PPP2R3B: variants seen among roughly 807,000 people sequenced by gnomAD.
The protein encoded by PPP2R3B is serine/threonine-protein phosphatase 2A regulatory subunit B'' subunit beta.
In PPP2R3B, 68 loss-of-function variants were observed where a neutral mutation model predicts 72.9. That is an observed-to-expected ratio of 0.93 (90% CI 0.77 to 1.14). The LOEUF is 1.14. PPP2R3B is among the 50% of genes most tolerant of loss of function. The pLI is 0.00. For missense variants in PPP2R3B, 1,018 were observed against 842.0 expected (o/e 1.21, Z -2.59); for synonymous variants, 466 against 375.8 (o/e 1.24, Z -2.78).
intron 1 of PPP2R3B, among the ~76,000 whole-genome samples, chrX:378,741 G>T (rs1270355554): frequency 6.6e-6 from 1 of 152,156 alleles, no homozygotes; most frequent in Non-Finnish European, 1.5e-5. Flanking sequence ...CTCGGAGGTT[G>T]CAAGAAGGGT....
chrX:344,464 C>G (rs1390530969), intron 7 of PPP2R3B, among the ~76,000 whole-genome samples: 1 of 152,272 alleles, frequency 6.6e-6, no homozygotes, highest in East Asian at 1.9e-4. Context: ...CCGCCCCCCG[C>G]TTCAGGCCGC....
At chrX:372,497 A>G (rs1357085951) in intron 1 of PPP2R3B, among the ~76,000 whole-genome samples, 6 of 152,204 alleles carry the variant, frequency 3.9e-5, no homozygotes, top group Non-Finnish European at 7.3e-5. Flanking sequence ...TGAAATTCGG[A>G]TCAGATTCGG....
At chrX:345,063 A>G in intron 7 of PPP2R3B, 1 of 410,580 alleles carries the variant, frequency 2.4e-6, no homozygotes, top group Non-Finnish European at 4.8e-6. Context: ...CCTGGGCGGC[A>G]CCGGCTCCCG....
chrX:383,634 A>G (rs56383240), intron 1 of PPP2R3B, among the ~76,000 whole-genome samples: 44,916 of 150,924 alleles, frequency 0.3, 6,738 homozygotes, highest in Non-Finnish European at 0.32. Flanking sequence ...TCAGGAGATC[A>G]AGACCATCCC....
intron 2 of PPP2R3B, among the ~76,000 whole-genome samples, chrX:357,416 TAA>T (rs2071459207): frequency 6.6e-6 from 1 of 152,122 alleles, no homozygotes; most frequent in Admixed American, 6.5e-5. Flanking sequence ...GAAGTGTATG[TAA>T]AAAAGATGAC....
chrX:384,982 CA>C (rs773590401), intron 1 of PPP2R3B, among the ~76,000 whole-genome samples: 2,992 of 62,986 alleles, frequency 0.048, 27 homozygotes, highest in South Asian at 0.066. Flanking sequence ...GAATCTGTCT[CA>C]AAAAAAAAAA....
chrX:380,423 C>T (rs1224684419), intron 1 of PPP2R3B, among the ~76,000 whole-genome samples: 2 of 152,050 alleles, frequency 1.3e-5, no homozygotes, highest in East Asian at 3.9e-4. Context: ...CAGTGGGAAC[C>T]ACATGAATGG....
chrX:377,701 A>G (rs1320468218), intron 1 of PPP2R3B, among the ~76,000 whole-genome samples: 3 of 142,532 alleles, frequency 2.1e-5, no homozygotes, highest in African/African-American at 8.1e-5. Flanking sequence ...CTGTCTATAC[A>G]CTACTGTGTA....
intron 2 of PPP2R3B, among the ~76,000 whole-genome samples, chrX:357,154 AG>A (rs2071454784): frequency 6.6e-6 from 1 of 151,850 alleles, no homozygotes; most frequent in African/African-American, 2.4e-5. Context: ...AGCGACCGGA[AG>A]CACATCTGCA....
rs758627556 is a variant in PPP2R3B at position 334,467 on chromosome X, GAGCGC to G, written c.1623_1627del (p.Arg542ProfsTer57). 2 of 1,594,058 alleles carry G rather than the reference GAGCGC, an allele frequency of 1.3e-6. No homozygotes were observed. Among genetic ancestry groups the G allele is most frequent in the Non-Finnish European group, 1.7e-6 (2 of 1,175,946 alleles). On this transcript the variant is annotated frameshift_variant, in exon 13 of 13. Coordinates refer to ENST00000390665, the MANE Select transcript of PPP2R3B (RefSeq NM_013239.5). LOFTEE classifies it high-confidence loss of function. ...GAAGAAGGGCCTCTGGGCCAGCGGG[GAGCGC>G]AGCGCACTCAGCTTCTGCTCCACAG...
chrX:353,507 A>T (rs1177942237), intron 2 of PPP2R3B, among the ~76,000 whole-genome samples: 1 of 152,212 alleles, frequency 6.6e-6, no homozygotes, highest in Non-Finnish European at 1.5e-5. Context: ...CATTCAAATA[A>T]AAATAACACC....
At chrX:359,473 A>G (rs1224743293) in intron 2 of PPP2R3B, among the ~76,000 whole-genome samples, 2 of 152,226 alleles carry the variant, frequency 1.3e-5, no homozygotes, top group African/African-American at 2.4e-5. Context: ...TTTAAGTTAC[A>G]GCATACTAGG....
chrX:346,293 A>G lies in PPP2R3B; in HGVS notation c.793-33T>C, dbSNP rs184780496. The G allele has an allele frequency of 1.7e-3, 2,674 of 1,538,428 alleles. 59 individuals carry two copies. In the African/African-American group the frequency reaches 0.031, roughly 18 times the overall value. ...GGCGCTGTCAGTGCGGTGGGTGCGC[A>G]GAGACCCCCAGGAGCCTCGCCCCGC... On this transcript the variant is annotated intron_variant, in intron 5 of 12. Transcript: ENST00000390665.
In PPP2R3B at chrX:369,391, A is replaced by C. The variant is rs528434381; in HGVS notation, c.325-7801T>G. On this transcript the variant is annotated intron_variant, in intron 1 of 12. Coordinates refer to ENST00000390665, the MANE Select transcript of PPP2R3B (RefSeq NM_013239.5). The stretch of plus-strand genomic sequence containing the variant: ...TAAAGGCGACACCCTGACTCCCAAC[A>C]AGCTATTTCTGTTGAGGGCACTGAG... Among the ~76,000 whole-genome samples, 17 of 152,290 alleles carry C rather than the reference A, an allele frequency of 1.1e-4. No homozygotes were observed. In the South Asian group the frequency reaches 3.5e-3, roughly 32 times the overall value.
At chrX:379,199 GTGTGTATGCACC>G (rs1364730869) in intron 1 of PPP2R3B, among the ~76,000 whole-genome samples, 221 of 149,180 alleles carry the variant, frequency 1.5e-3, no homozygotes, top group African/African-American at 4.9e-3. Flanking sequence ...GTGTGTATGC[GTGTGTATGCACC>G]TGTGTATGCA....
chrX:369,200 G>A (rs1368177243), intron 1 of PPP2R3B, among the ~76,000 whole-genome samples: 2 of 152,168 alleles, frequency 1.3e-5, no homozygotes, highest in African/African-American at 4.8e-5. Context: ...AGCAAAAACA[G>A]CTGCATGTAT....
At chrX:382,530 T>C (rs1346112652) in intron 1 of PPP2R3B, among the ~76,000 whole-genome samples, 2 of 147,218 alleles carry the variant, frequency 1.4e-5, no homozygotes, top group African/African-American at 5.3e-5. Context: ...TCCTGCCCCC[T>C]ATACCCAATA....
chrX:380,022 C>T, intron 1 of PPP2R3B, among the ~76,000 whole-genome samples: 1 of 152,138 alleles, frequency 6.6e-6, no homozygotes, highest in East Asian at 1.9e-4. Flanking sequence ...AAAGACTGTT[C>T]AATATACGGT....
At chrX:341,861 C>T (rs747269719) in intron 8 of PPP2R3B, 22 bp downstream of exon 8, 2 of 1,612,386 alleles carry the variant, frequency 1.2e-6, no homozygotes, top group Non-Finnish European at 1.7e-6. Context: ...TGGCTGCCGT[C>T]AGGCGCCTGA....
Sources: gnomAD v4.1 joint callset for allele counts (sites outside exome capture counted in the v4.1 genomes callset) on GRCh38, gnomAD v4.1.1 for gene constraint, MANE v1.5 for transcripts, NCBI Gene and HGNC (gene_info 2026-07-23, HGNC 2026-07-21) for gene names.